STON2: variants seen among roughly 807,000 people sequenced by gnomAD.
The protein encoded by STON2 is stonin 2.
Under a neutral mutation model 65.7 loss-of-function variants are expected in STON2, and 29 were observed. The observed-to-expected ratio is 0.44, with a 90% CI of 0.33 to 0.60. The LOEUF (loss-of-function observed/expected upper bound fraction) is 0.60, where lower values mean the gene tolerates loss of function less well. STON2 is among the 20% of genes least tolerant of loss of function. STON2 has a pLI of 0.03. For synonymous variants in STON2, 404 were observed against 414.2 expected, an observed-to-expected ratio of 0.98 and a Z score of 0.30; for missense variants, 1,054 against 1,118.1, an observed-to-expected ratio of 0.94 and a Z score of 0.82.
intron 4 of STON2, among the ~76,000 whole-genome samples, chr14:81,352,126 C>T (rs1332334953): frequency 3.3e-5 from 5 of 152,048 alleles, no homozygotes; most frequent in Non-Finnish European, 5.9e-5. Context: ...TTAATACTAT[C>T]ATAATTAATG....
At chr14:81,331,156 A>C (rs758331585) in intron 4 of STON2, among the ~76,000 whole-genome samples, 4 of 152,330 alleles carry the variant, frequency 2.6e-5, no homozygotes, top group African/African-American at 9.6e-5. Flanking sequence ...AAAGCAATTC[A>C]AGCTTTTCTC....
At position 81,278,129 on chromosome 14, in the gene STON2, A is replaced by T. The variant is rs778714810; in HGVS notation, c.1353T>A (p.Asp451Glu). 1.2e-6 allele frequency: 2 copies of T among 1,614,156 alleles called. No homozygotes were observed. Among genetic ancestry groups the T allele is most frequent in the East Asian group, 4.5e-5 (2 of 44,874 alleles). ...CAGGTAGAGTTGCACTGCCAAAGTG[A>T]TCAGGGTCATCAATTTGGAGTTGTT... Reference protein sequence around the residue: ...KLKQLQIDDPDHFGSATLPDD... With the variant: ...KLKQLQIDDPEHFGSATLPDD... Residue 451 changes from aspartate to glutamate, a missense_variant, in exon 6 of 8, where the codon GAT becomes GAA. By Grantham distance (45) the Asp-to-Glu change is conservative (BLOSUM62 2). Coordinates refer to ENST00000614646, the MANE Select transcript of STON2 (RefSeq NM_001394390.1).
At chr14:81,269,612 T>C (rs1894491652) in intron 7 of STON2, 3 of 985,386 alleles carry the variant, frequency 3.0e-6, no homozygotes. Flanking sequence ...AGCCACAAGA[T>C]GGAGTGTTTG....
intron 5 of STON2, among the ~76,000 whole-genome samples, chr14:81,281,618 T>A (rs1895124285): frequency 6.6e-6 from 1 of 152,148 alleles, no homozygotes; most frequent in African/African-American, 2.4e-5. Flanking sequence ...AGGATTCCCT[T>A]CTGTTGGGAA....
chr14:81,355,347 AAATT>A (rs1403665917), intron 4 of STON2, among the ~76,000 whole-genome samples: 1 of 152,222 alleles, frequency 6.6e-6, no homozygotes, highest in East Asian at 1.9e-4. Context: ...ACACATAATT[AAATT>A]ATCAAAAATC....
chr14:81,310,716 G>A (rs1896391172), intron 5 of STON2, among the ~76,000 whole-genome samples: 1 of 152,100 alleles, frequency 6.6e-6, no homozygotes, highest in Non-Finnish European at 1.5e-5. Flanking sequence ...GCATTGCACT[G>A]ACATCTCTTT....
At position 81,371,026 on chromosome 14, in the gene STON2, T is replaced by A. The variant is rs781732574; in HGVS notation, c.533A>T (p.Glu178Val). ...CCCAGAAGCCTGGCCACTCGTCTGCTCCTCAGCATTGATGAGCTGCAGATC... is the reference window on the plus strand; with the variant it reads ...CCCAGAAGCCTGGCCACTCGTCTGCACCTCAGCATTGATGAGCTGCAGATC... ...YTDLQLINAE[E>V]QTSGQASGAD... Residue 178 changes from glutamate (E) to valine (V), a missense_variant, in exon 4 of 8, where the codon GAG becomes GTG. Physicochemically the swap from Glu to Val is moderately radical, Grantham distance 121. Transcript: ENST00000614646. 2.2e-5 allele frequency: 36 copies of A among 1,613,194 alleles called. No individual in the cohort carries two copies. Among genetic ancestry groups the A allele is most frequent in the South Asian group, 7.7e-5 (7 of 91,048 alleles).
intron 5 of STON2, among the ~76,000 whole-genome samples, chr14:81,305,197 C>T (rs6574639): frequency 0.79 from 119,840 of 152,228 alleles, 47,318 homozygotes; most frequent in African/African-American, 0.8. Flanking sequence ...ATTTGAGAGC[C>T]AGGCTTCTAT....
Position 81,267,616 on chromosome 14 carries a change from GAACA to G in STON2, c.*794_*797del. 1 of 985,320 alleles carries G rather than the reference GAACA, an allele frequency of 1.0e-6. No individual in the cohort carries two copies. Among genetic ancestry groups the G allele is most frequent in the Non-Finnish European group, 1.2e-6 (1 of 829,886 alleles). The allele number at this position is 985,320 out of a possible 1,614,324, so 61.0% of individuals were successfully genotyped here. A position where few individuals can be genotyped will look rare whatever the true frequency, so the allele number is the denominator to read the frequency against. Reference sequence around the variant, plus strand: ...TGAGATTGAATCTACCTCTTGAACTGAACATCATCTTATATTTAATGTCTCTTTT... The same window carrying G: ...TGAGATTGAATCTACCTCTTGAACTGTCATCTTATATTTAATGTCTCTTTT... On this transcript the variant is annotated 3_prime_UTR_variant, in exon 8 of 8. Transcript: ENST00000614646.
intron 4 of STON2, among the ~76,000 whole-genome samples, chr14:81,362,478 A>G (rs56039699): frequency 0.39 from 58,962 of 151,928 alleles, 11,755 homozygotes; most frequent in South Asian, 0.58. Context: ...ACCAGAGCCT[A>G]GGGAGATGCA....
At chr14:81,313,968 C>T (rs1307727600) in intron 5 of STON2, among the ~76,000 whole-genome samples, 1 of 152,102 alleles carries the variant, frequency 6.6e-6, no homozygotes, top group Non-Finnish European at 1.5e-5. Flanking sequence ...CCTGATGAAG[C>T]AATACTGAAG....
At chr14:81,321,347 A>G (rs536602498) in intron 5 of STON2, among the ~76,000 whole-genome samples, 1 of 151,852 alleles carries the variant, frequency 6.6e-6, no homozygotes, top group South Asian at 2.1e-4. Flanking sequence ...CCGAGGCAAC[A>G]AAGTGAGAGC....
In STON2 at chr14:81,351,127, C is replaced by A. The variant is rs142243144; in HGVS notation, c.571+19861G>T. 7.2e-4 allele frequency among the ~76,000 whole-genome samples: 108 copies of A among 150,394 alleles called. 1 individual carries two copies. The highest frequency in any genetic ancestry group is 2.6e-3 in the African/African-American group (105 of 40,930). On this transcript the variant is annotated intron_variant, in intron 4 of 7. Coordinates refer to ENST00000614646, the MANE Select transcript of STON2 (RefSeq NM_001394390.1). ...GAACTACTTTCCATTTTTCTCAATT[C>A]TCTTTCTAGACTCAAGTGCTTGAGA...
intron 5 of STON2, among the ~76,000 whole-genome samples, chr14:81,291,975 C>G (rs998646645): frequency 6.6e-6 from 1 of 151,648 alleles, no homozygotes; most frequent in Non-Finnish European, 1.5e-5. Context: ...GTTGTCAGTC[C>G]AAAGGGAAAG....
chr14:81,289,763 C>T (rs775742342), intron 5 of STON2, among the ~76,000 whole-genome samples: 23 of 152,288 alleles, frequency 1.5e-4, no homozygotes, highest in Non-Finnish European at 2.9e-4. Context: ...CCACCAGAGC[C>T]GGCCAGTCCC....
In STON2 at chr14:81,265,647, G is replaced by GTAA. The variant is rs56269329; in HGVS notation, c.*2764_*2766dup. 38,872 of 363,578 alleles carry GTAA rather than the reference G, an allele frequency of 0.11. 1,989 individuals carry two copies. Among genetic ancestry groups the GTAA allele is most frequent in the African/African-American group, 0.2 (9,279 of 45,558 alleles). 22.5% of individuals were successfully genotyped at this position (363,578 alleles called of 1,614,324 possible). On this transcript the variant is annotated 3_prime_UTR_variant, in exon 8 of 8. Transcript: ENST00000614646. ...GCGACAAGAGCGAAACTTTGTCTCAGTAATAATAATAATAATAATAATAAT... is the reference window on the plus strand; with the variant it reads ...GCGACAAGAGCGAAACTTTGTCTCAGTAATAATAATAATAATAATAATAATAAT...
At chr14:81,387,860 C>A (rs1899888480) in intron 3 of STON2, among the ~76,000 whole-genome samples, 1 of 149,442 alleles carries the variant, frequency 6.7e-6, no homozygotes. Flanking sequence ...CACTGCACTC[C>A]AGCCTGGGTG....
intron 5 of STON2, among the ~76,000 whole-genome samples, chr14:81,322,630 CA>C (rs1282575972): frequency 1.3e-5 from 2 of 152,286 alleles, no homozygotes; most frequent in South Asian, 2.1e-4. Flanking sequence ...TTACCTCCAG[CA>C]AAAGACATAC....
intron 4 of STON2, among the ~76,000 whole-genome samples, chr14:81,341,104 G>T (rs1160081796): frequency 1.3e-5 from 2 of 152,086 alleles, no homozygotes; most frequent in Non-Finnish European, 2.9e-5. Context: ...GTATGTGACA[G>T]CTTTTTGAAA....
Sources: allele counts gnomAD v4.1 joint callset (sites outside exome capture counted in the v4.1 genomes callset), GRCh38; gene constraint gnomAD v4.1.1; transcripts MANE v1.5; gene names NCBI Gene and HGNC (gene_info 2026-07-23, HGNC 2026-07-21).